LONP2: variants seen among roughly 807,000 people sequenced by gnomAD.
LONP2 encodes lon protease homolog 2, peroxisomal.
In LONP2, 60 loss-of-function variants were observed where a neutral mutation model predicts 85.6. That is an observed-to-expected ratio of 0.70 (90% CI 0.57 to 0.87). The LOEUF (loss-of-function observed/expected upper bound fraction) is 0.87. Ranked by LOEUF, LONP2 falls within the 40% of genes least tolerant of loss-of-function variation. The pLI is 0.00. For synonymous variants in LONP2, 395 were observed against 389.7 expected, an observed-to-expected ratio of 1.01 and a Z score of -0.16; for missense variants, 860 against 1,063.5, an observed-to-expected ratio of 0.81 and a Z score of 2.66.
At chr16:48,313,524 T>C (rs1325966563) in intron 11 of LONP2, among the ~76,000 whole-genome samples, 3 of 152,130 alleles carry the variant, frequency 2.0e-5, no homozygotes, top group Non-Finnish European at 4.4e-5. Context: ...TTCCCTGCCA[T>C]GTGTCCATGT....
rs16946106 is a variant in LONP2, at chr16:48,334,741, A to C, written c.1938+383A>C. 2,411 of 545,018 alleles carry C rather than the reference A, an allele frequency of 4.4e-3. 51 individuals are homozygous for C. The highest frequency in any genetic ancestry group is 0.041 in the African/African-American group (2,139 of 52,456). The allele number at this position is 545,018 out of a possible 1,614,324, so 33.8% of individuals were successfully genotyped here. ...CCTCAAATATCAGACACTGCTGGTCAGGTAAGATGCCCTACCTGTCTTGAA... is the reference window on the plus strand; with the variant it reads ...CCTCAAATATCAGACACTGCTGGTCCGGTAAGATGCCCTACCTGTCTTGAA... On this transcript the variant is annotated intron_variant, in intron 12 of 14. Coordinates refer to ENST00000285737, the MANE Select transcript of LONP2 (RefSeq NM_031490.5).
chr16:48,267,754 T>C lies in LONP2; in HGVS notation c.983-2262T>C, dbSNP rs528941912. Among the ~76,000 whole-genome samples the C allele has an allele frequency of 2.6e-4, 40 of 152,198 alleles. 1 individual carries two copies. In the South Asian group the frequency reaches 7.9e-3, roughly 30 times the overall value. ...CCCTAGTCTACTGAGTAGCAGGGATTACAGGCGCCTGCCACCATGCCCAGC... is the reference window on the plus strand; with the variant it reads ...CCCTAGTCTACTGAGTAGCAGGGATCACAGGCGCCTGCCACCATGCCCAGC... On this transcript the variant is annotated intron_variant, in intron 6 of 14. Coordinates refer to ENST00000285737, the MANE Select transcript of LONP2 (RefSeq NM_031490.5).
At position 48,354,345 on chromosome 16, in the gene LONP2, C is replaced by T. The variant is rs1340889261; in HGVS notation, c.*2543C>T. Reference sequence around the variant, plus strand: ...GCCTCAGCCTCCCAAGTAGCTGGGACCACAGGTGTGTGCCACCACGCCCAG... The same window carrying T: ...GCCTCAGCCTCCCAAGTAGCTGGGATCACAGGTGTGTGCCACCACGCCCAG... On this transcript the variant is annotated 3_prime_UTR_variant, in exon 15 of 15. Transcript: ENST00000285737. The T allele has an allele frequency of 1.3e-5, 2 of 151,188 alleles. No homozygotes were observed. Among genetic ancestry groups the T allele is most frequent in the Non-Finnish European group, 2.9e-5 (2 of 68,080 alleles). The allele number at this position is 151,188 out of a possible 1,614,324, so 9.4% of individuals were successfully genotyped here.
intron 14 of LONP2, among the ~76,000 whole-genome samples, chr16:48,348,562 G>A (rs1960045687): frequency 7.2e-6 from 1 of 139,440 alleles, no homozygotes; most frequent in African/African-American, 2.7e-5. Flanking sequence ...TGGTGTGACT[G>A]TAGCTCACTA....
chr16:48,259,598 C>T (rs553646170), intron 4 of LONP2, among the ~76,000 whole-genome samples: 7 of 152,280 alleles, frequency 4.6e-5, no homozygotes, highest in Middle Eastern at 3.4e-3. Context: ...CGTTCATCAG[C>T]GCAGAAGTCT....
chr16:48,292,171 C>T (rs1355255728), intron 8 of LONP2, among the ~76,000 whole-genome samples: 1 of 152,130 alleles, frequency 6.6e-6, no homozygotes, highest in East Asian at 1.9e-4. Flanking sequence ...ATATAGCGTA[C>T]AGGAAGCCAT....
chr16:48,338,107 C>T (rs1241423481), intron 12 of LONP2, among the ~76,000 whole-genome samples: 6 of 152,068 alleles, frequency 3.9e-5, no homozygotes, highest in African/African-American at 9.7e-5. Context: ...CAAACCCAGC[C>T]GATACCTTTT....
Position 48,352,114 on chromosome 16 carries a change from T to C in LONP2, c.*312T>C, listed in dbSNP as rs1284970390. ...GTAGTACCTGGTAACTTGTTAGAAA[T>C]GTACATTCTCAGGCTCCACAGCAGG... On this transcript the variant is annotated 3_prime_UTR_variant, in exon 15 of 15. Transcript: ENST00000285737. 1.4e-5 allele frequency: 4 copies of C among 277,346 alleles called. No individual in the cohort carries two copies. The highest frequency in any genetic ancestry group is 2.7e-5 in the Non-Finnish European group (4 of 145,998). 17.2% of individuals were successfully genotyped at this position (277,346 alleles called of 1,614,324 possible).
At chr16:48,348,031 T>TA in intron 13 of LONP2, 69 bp from the exon 14 acceptor site, 1 of 1,151,460 alleles carries the variant, frequency 8.7e-7, no homozygotes, top group Non-Finnish European at 1.2e-6. Context: ...TGTTTGTGAC[T>TA]TTTTTTTTAG....
chr16:48,292,212 G>A (rs1364976161), intron 8 of LONP2, among the ~76,000 whole-genome samples: 1 of 152,082 alleles, frequency 6.6e-6, no homozygotes, highest in Non-Finnish European at 1.5e-5. Context: ...GTGAGCAGAG[G>A]GATGACTTTG....
At chr16:48,244,854 C>T (rs1198574830) in intron 1 of LONP2, among the ~76,000 whole-genome samples, 4 of 152,204 alleles carry the variant, frequency 2.6e-5, no homozygotes, top group African/African-American at 9.7e-5. Context: ...CTACGCAGTT[C>T]CCTACCGTTC....
At chr16:48,323,177 A>T (rs1238182626) in intron 11 of LONP2, among the ~76,000 whole-genome samples, 1 of 152,228 alleles carries the variant, frequency 6.6e-6, no homozygotes, top group East Asian at 1.9e-4. Context: ...CACTGAACTG[A>T]TCATTGAAAG....
chr16:48,361,241 A>G (rs1960577455), downstream of LONP2: 1 of 268,676 alleles, frequency 3.7e-6, no homozygotes, highest in Non-Finnish European at 7.3e-6. Context: ...GCAGGCACAC[A>G]CTCCCACGCA....
rs147265633 is a variant in LONP2, at chr16:48,279,684, G to A, written c.1383+2205G>A. 3.4e-3 allele frequency among the ~76,000 whole-genome samples: 516 copies of A among 152,250 alleles called. 2 individuals are homozygous for A. The highest frequency in any genetic ancestry group is 0.012 in the African/African-American group (494 of 41,556). ...GGGGGAGGGGATCTGGGATCTGACTGCTTCCTAAATTTATTTCAGCCAGTC... is the reference window on the plus strand; with the variant it reads ...GGGGGAGGGGATCTGGGATCTGACTACTTCCTAAATTTATTTCAGCCAGTC... On this transcript the variant is annotated intron_variant, in intron 8 of 14. Transcript: ENST00000285737.
At chr16:48,290,880 C>T (rs1351087211) in intron 8 of LONP2, among the ~76,000 whole-genome samples, 1 of 152,154 alleles carries the variant, frequency 6.6e-6, no homozygotes, top group Non-Finnish European at 1.5e-5. Flanking sequence ...AAGTCCTCAG[C>T]CCTCTAATCA....
In LONP2 at chr16:48,356,777, C is replaced by CT. The variant is rs1160091121; in HGVS notation, c.*4978dup. 1 of 273,440 alleles carries CT rather than the reference C, an allele frequency of 3.7e-6. No individual in the cohort carries two copies. Among genetic ancestry groups the CT allele is most frequent in the Non-Finnish European group, 7.5e-6 (1 of 133,944 alleles). The allele number at this position is 273,440 out of a possible 1,614,324, so 16.9% of individuals were successfully genotyped here. A position where few individuals can be genotyped will look rare whatever the true frequency, so the allele number is the denominator to read the frequency against. On this transcript the variant is annotated 3_prime_UTR_variant, in exon 15 of 15. Transcript: ENST00000285737. ...ACTTCTAAAACAATTTTAGGAAAAGCTTTGTCATGAAAATTCATTTCTTTG... is the reference window on the plus strand; with the variant it reads ...ACTTCTAAAACAATTTTAGGAAAAGCTTTTGTCATGAAAATTCATTTCTTTG...
chr16:48,293,224 C>T (rs1404263504), intron 8 of LONP2, among the ~76,000 whole-genome samples: 1 of 151,970 alleles, frequency 6.6e-6, no homozygotes, highest in African/African-American at 2.4e-5. Context: ...GTCAGGAGAT[C>T]GAGACCATCC....
chr16:48,277,276 G>T, intron 7 of LONP2, 62 bp from the exon 8 acceptor site: 1 of 1,533,574 alleles, frequency 6.5e-7, no homozygotes, highest in Non-Finnish European at 8.9e-7. Context: ...TTTGATTTCT[G>T]AATGGCGTCG....
chr16:48,318,971 C>G (rs1177715403), intron 11 of LONP2, among the ~76,000 whole-genome samples: 2 of 151,062 alleles, frequency 1.3e-5, no homozygotes, highest in Non-Finnish European at 3.0e-5. Flanking sequence ...GCTTTTGATC[C>G]TTTCAGCTTT....
Sources: gnomAD v4.1 joint callset for allele counts (sites outside exome capture counted in the v4.1 genomes callset) on GRCh38, gnomAD v4.1.1 for gene constraint, MANE v1.5 for transcripts, NCBI Gene and HGNC (gene_info 2026-07-23, HGNC 2026-07-21) for gene names.